The following HDX variants were observed in gnomAD, a reference collection of about 807,000 sequenced individuals.
HDX encodes the protein highly divergent homeobox.
A neutral mutation model predicts 45.2 loss-of-function variants in HDX; 19 were observed. That is an observed-to-expected ratio of 0.42 (90% CI 0.29 to 0.62). The LOEUF (loss-of-function observed/expected upper bound fraction) is 0.62. Among genes scored for constraint, HDX ranks in the 20% least tolerant of loss-of-function variants. The probability of loss-of-function intolerance (pLI) is 0.20; values close to 1 mark genes in which losing one functional copy is unlikely to be tolerated. For missense variants in HDX, 532 were observed against 493.9 expected (o/e 1.08, Z -0.73); for synonymous variants, 188 against 172.8 (o/e 1.09, Z -0.69).
chrX:84,427,887 A>T (rs1343112234), intron 5 of HDX, among the ~76,000 whole-genome samples: 1 of 111,129 alleles, frequency 9.0e-6, no homozygotes, highest in Non-Finnish European at 1.9e-5. Flanking sequence ...AAACTGTTTT[A>T]AAGAGTGTTT....
chrX:84,377,724 T>A (rs1418852286), intron 5 of HDX, among the ~76,000 whole-genome samples: 7 of 108,261 alleles, frequency 6.5e-5, no homozygotes, highest in East Asian at 5.9e-4. Flanking sequence ...GAAAAAAAAA[T>A]AAGAAACAAT....
At chrX:84,393,836 A>T (rs12013632) in intron 5 of HDX, among the ~76,000 whole-genome samples, 3 of 109,266 alleles carry the variant, frequency 2.7e-5, no homozygotes, top group African/African-American at 1.0e-4. Context: ...CTGATAATCT[A>T]GTATTCCTGT....
intron 1 of HDX, among the ~76,000 whole-genome samples, chrX:84,497,725 A>G (rs1447865769): frequency 9.1e-6 from 1 of 109,857 alleles, no homozygotes; most frequent in Non-Finnish European, 1.9e-5. Context: ...ATGAATTTAC[A>G]TATACGTGTG....
chrX:84,322,122 G>T (rs1338457013), intron 10 of HDX, 108 bp from the exon 11 acceptor site: 4 of 476,767 alleles, frequency 8.4e-6, no homozygotes, highest in African/African-American at 2.5e-5. Flanking sequence ...TGGATTTAAA[G>T]AATAATTTAT....
chrX:84,486,996 G>A (rs1280530583), intron 2 of HDX, among the ~76,000 whole-genome samples: 1 of 111,225 alleles, frequency 9.0e-6, no homozygotes, highest in East Asian at 2.8e-4. Flanking sequence ...TCATCCCATA[G>A]GGCTTGAGTT....
intron 5 of HDX, among the ~76,000 whole-genome samples, chrX:84,363,219 G>A (rs1458870710): frequency 9.0e-6 from 1 of 111,593 alleles, no homozygotes; most frequent in East Asian, 2.8e-4. Context: ...TATTTACAAC[G>A]GAAAAGTAAC....
intron 10 of HDX, among the ~76,000 whole-genome samples, chrX:84,324,265 C>T (rs2036662248): frequency 1.8e-5 from 2 of 111,006 alleles, no homozygotes; most frequent in Non-Finnish European, 3.8e-5. Context: ...TGGAAGAAAA[C>T]TGAAGATCTT....
At chrX:84,352,920 C>A (rs1464089778) in intron 6 of HDX, among the ~76,000 whole-genome samples, 1 of 110,615 alleles carries the variant, frequency 9.0e-6, no homozygotes, top group Non-Finnish European at 1.9e-5. Context: ...AAAGACCAGT[C>A]TCCCTAGGAT....
chrX:84,481,002 C>T (rs5967485), intron 2 of HDX, among the ~76,000 whole-genome samples: 41,885 of 109,961 alleles, frequency 0.38, 6,744 homozygotes, highest in African/African-American at 0.62. Context: ...TTTTGAAGTA[C>T]GAATTACATT....
At chrX:84,501,014 G>A (rs1269543108) in intron 1 of HDX, among the ~76,000 whole-genome samples, 5 of 80,400 alleles carry the variant, frequency 6.2e-5, no homozygotes, top group African/African-American at 3.2e-4. Context: ...TTGTAAAGGA[G>A]GAACGTGTGA....
At chrX:84,322,065 C>T in intron 10 of HDX, 51 bp from the exon 11 acceptor site, 1 of 813,168 alleles carries the variant, frequency 1.2e-6, no homozygotes. Flanking sequence ...AGATTGTTTT[C>T]CAATTTATAT....
chrX:84,334,648 CAT>C (rs976966025), intron 8 of HDX, among the ~76,000 whole-genome samples: 1 of 79,915 alleles, frequency 1.3e-5, no homozygotes, highest in African/African-American at 4.4e-5. Flanking sequence ...GTTCTCTAAT[CAT>C]GTGATTTTTT....
At chrX:84,466,899 T>C (rs760130017) in intron 4 of HDX, among the ~76,000 whole-genome samples, 1 of 111,330 alleles carries the variant, frequency 9.0e-6, no homozygotes, top group African/African-American at 3.3e-5. Context: ...TTAAATGAGA[T>C]TGGTTATATA....
chrX:84,373,962 T>A (rs1366954201), intron 5 of HDX, among the ~76,000 whole-genome samples: 8 of 64,871 alleles, frequency 1.2e-4, no homozygotes, highest in African/African-American at 6.8e-4. Flanking sequence ...AAAGAGGAAG[T>A]CAAATTGTCC....
In HDX at chrX:84,475,326, T is replaced by C. The variant is rs773795287; in HGVS notation, c.72A>G (p.Thr24=). The change falls in exon 3 of 11, where the codon ACA becomes ACG. Residue 24 remains threonine, a synonymous_variant. Coordinates refer to ENST00000373177, the MANE Select transcript of HDX (RefSeq NM_001177479.2). The part of the protein sequence containing the change: ...ILQRYYENGM[T]NQSKNCFQLI... ...GCTGAAAGCAATTTTTACTTTGATT[T>C]GTCATTCCATTTTCATAATAACGCT... 36 of 1,176,038 alleles carry C rather than the reference T, an allele frequency of 3.1e-5. No individual in the cohort carries two copies. Among genetic ancestry groups the C allele is most frequent in the Non-Finnish European group, 3.9e-5 (34 of 866,802 alleles).
intron 5 of HDX, among the ~76,000 whole-genome samples, chrX:84,369,392 C>A (rs2037839453): frequency 8.9e-6 from 1 of 111,907 alleles, no homozygotes; most frequent in South Asian, 3.7e-4. Flanking sequence ...ATACAAATAT[C>A]TTTTCAAAAC....
intron 6 of HDX, among the ~76,000 whole-genome samples, chrX:84,356,770 C>G (rs1449457711): frequency 1.8e-5 from 2 of 109,286 alleles, no homozygotes; most frequent in South Asian, 4.1e-4. Flanking sequence ...CTATAGGCGC[C>G]CGCCACCACG....
intron 5 of HDX, among the ~76,000 whole-genome samples, chrX:84,412,496 C>T (rs761010344): frequency 1.8e-5 from 2 of 111,659 alleles, no homozygotes; most frequent in East Asian, 2.8e-4. Flanking sequence ...TTAATATAGG[C>T]TCCCAATCTC....
chrX:84,389,567 A>T (rs931466448), intron 5 of HDX, among the ~76,000 whole-genome samples: 6 of 111,528 alleles, frequency 5.4e-5, no homozygotes, highest in African/African-American at 1.6e-4. Context: ...GAGGGATCCA[A>T]TGTTTTCCCA....
Sources: allele counts gnomAD v4.1 joint callset (sites outside exome capture counted in the v4.1 genomes callset), GRCh38; gene constraint gnomAD v4.1.1; transcripts MANE v1.5; gene names NCBI Gene and HGNC (gene_info 2026-07-23, HGNC 2026-07-21).